TBC1D4: variants seen among roughly 807,000 people sequenced by gnomAD.
TBC1D4 encodes the protein TBC (Tre-2, BUB2, CDC16) domain-containing protein.
Under a neutral mutation model 142.5 loss-of-function variants are expected in TBC1D4, and 121 were observed. The observed-to-expected ratio is 0.85, with a 90% confidence interval of 0.73 to 0.99. The LOEUF is 0.99. Among genes scored for constraint, TBC1D4 ranks in the 50% least tolerant of loss-of-function variants. The probability of loss-of-function intolerance (pLI) is 0.00; values close to 1 mark genes in which losing one functional copy is unlikely to be tolerated. For missense variants in TBC1D4, 1,475 were observed against 1,606.6 expected (o/e 0.92, Z 1.40); for synonymous variants, 630 against 628.2 (o/e 1.00, Z -0.04).
intron 1 of TBC1D4, among the ~76,000 whole-genome samples, chr13:75,435,177 G>T (rs1313031816): frequency 6.6e-6 from 1 of 151,652 alleles, no homozygotes; most frequent in Non-Finnish European, 1.5e-5. Context: ...AAATAAAAGA[G>T]AATGGCAAAT....
chr13:75,447,173 T>C (rs1008747829), intron 1 of TBC1D4, among the ~76,000 whole-genome samples: 10 of 152,218 alleles, frequency 6.6e-5, no homozygotes, highest in Non-Finnish European at 1.2e-4. Context: ...AGGATATTTA[T>C]AGGGAGAAAG....
At chr13:75,299,605 G>T in intron 16 of TBC1D4, 31 bp from the exon 17 acceptor site, 2 of 1,612,772 alleles carry the variant, frequency 1.2e-6, no homozygotes, top group South Asian at 1.1e-5. Flanking sequence ...AATATTTTTT[G>T]AAATGTCCTC....
intron 2 of TBC1D4, among the ~76,000 whole-genome samples, chr13:75,361,310 A>G (rs1169621068): frequency 1.3e-5 from 2 of 152,210 alleles, no homozygotes; most frequent in East Asian, 3.8e-4. Flanking sequence ...TTCTCTAGAA[A>G]AAAAGTCCCT....
At chr13:75,291,799 AG>A (rs1875337500) in intron 19 of TBC1D4, among the ~76,000 whole-genome samples, 1 of 152,214 alleles carries the variant, frequency 6.6e-6, no homozygotes, top group African/African-American at 2.4e-5. Flanking sequence ...AATATAACAA[AG>A]GCAAGAGGAT....
At chr13:75,340,887 A>C (rs1371721480) in intron 7 of TBC1D4, among the ~76,000 whole-genome samples, 1 of 152,190 alleles carries the variant, frequency 6.6e-6, no homozygotes, top group Non-Finnish European at 1.5e-5. Context: ...CGGAGGTTGC[A>C]GTGAGCCAAG....
chr13:75,384,825 A>C (rs1232214277), intron 1 of TBC1D4, among the ~76,000 whole-genome samples: 1 of 152,226 alleles, frequency 6.6e-6, no homozygotes, highest in East Asian at 1.9e-4. Context: ...TGGTTAAAAT[A>C]ACTGAAGAAA....
At chr13:75,303,485 T>G (rs1302774533) in intron 15 of TBC1D4, among the ~76,000 whole-genome samples, 1 of 152,208 alleles carries the variant, frequency 6.6e-6, no homozygotes, top group Non-Finnish European at 1.5e-5. Flanking sequence ...ACACTATGAC[T>G]ATGTTTTTTA....
intron 13 of TBC1D4, 79 bp from the exon 14 acceptor site, chr13:75,310,230 A>G (rs1877617611): frequency 7.2e-7 from 1 of 1,386,892 alleles, no homozygotes; most frequent in South Asian, 1.2e-5. Flanking sequence ...TCACATTCTC[A>G]TCTGATCTTC....
At chr13:75,458,856 A>G (rs1308552865) in intron 1 of TBC1D4, among the ~76,000 whole-genome samples, 3 of 152,130 alleles carry the variant, frequency 2.0e-5, no homozygotes, top group Non-Finnish European at 4.4e-5. Context: ...CTGGGGGCCT[A>G]TGAAACTGAT....
At chr13:75,320,121 A>G in intron 11 of TBC1D4, 84 bp from the exon 12 acceptor site, 1 of 1,449,508 alleles carries the variant, frequency 6.9e-7, no homozygotes, top group South Asian at 1.2e-5. Flanking sequence ...CATTCCAATA[A>G]GTCATCAATA....
At chr13:75,295,409 CAT>C (rs1276741809) in intron 17 of TBC1D4, among the ~76,000 whole-genome samples, 2 of 152,122 alleles carry the variant, frequency 1.3e-5, no homozygotes, top group Admixed American at 1.3e-4. Context: ...AAGAATCTAC[CAT>C]GTTCAGTGCA....
chr13:75,375,308 A>G (rs1487281890), intron 1 of TBC1D4, among the ~76,000 whole-genome samples: 1 of 152,182 alleles, frequency 6.6e-6, no homozygotes, highest in East Asian at 1.9e-4. Flanking sequence ...GTCTCCTCCA[A>G]TTCTGGGGGC....
intron 1 of TBC1D4, among the ~76,000 whole-genome samples, chr13:75,434,341 AGATCAT>A (rs144336600): frequency 0.028 from 4,332 of 152,286 alleles, 194 homozygotes; most frequent in African/African-American, 0.097. Context: ...AAAAAGAACA[AGATCAT>A]GTATTTGCCA....
intron 1 of TBC1D4, among the ~76,000 whole-genome samples, chr13:75,450,151 A>ATG (rs1370547768): frequency 2.0e-5 from 3 of 152,178 alleles, no homozygotes; most frequent in African/African-American, 7.2e-5. Flanking sequence ...ATTTTTATAA[A>ATG]TGTAATTTTA....
intron 4 of TBC1D4, among the ~76,000 whole-genome samples, chr13:75,355,867 C>G (rs1882001694): frequency 6.6e-6 from 1 of 152,200 alleles, no homozygotes; most frequent in East Asian, 1.9e-4. Flanking sequence ...AAAGTAACAG[C>G]TTTTCTCCTA....
chr13:75,474,730 A>G (rs1407375759), intron 1 of TBC1D4, among the ~76,000 whole-genome samples: 2 of 150,842 alleles, frequency 1.3e-5, no homozygotes, highest in Non-Finnish European at 2.9e-5. Context: ...TCCATCTCCC[A>G]GGTTCAAGCG....
chr13:75,468,766 C>T (rs1276955595), intron 1 of TBC1D4, among the ~76,000 whole-genome samples: 1 of 152,148 alleles, frequency 6.6e-6, no homozygotes, highest in African/African-American at 2.4e-5. Context: ...TAATCTGCTC[C>T]TGTGGACTTA....
Position 75,481,592 on chromosome 13 carries a change from A to T in TBC1D4, c.176T>A (p.Met59Lys). The T allele has an allele frequency of 6.2e-7, 1 of 1,607,276 alleles. No individual in the cohort carries two copies. The highest frequency in any genetic ancestry group is 8.5e-7 in the Non-Finnish European group (1 of 1,177,262). The change falls in exon 1 of 21, where the codon ATG (methionine) becomes AAG (lysine). Residue 59 changes from methionine to lysine, a missense_variant. Around this residue, in one of 2 missense-constraint regions of TBC1D4, gnomAD observed 1,227 missense variants for 1,267.7 expected, o/e 0.97. Transcript: ENST00000377636. ...CTGGCTGCGCCTGCGGATCTCGGCC[A>T]TGAGCCAGGGCAGCATAGGCAGCGT... ...RTTLPMLPWL[M>K]AEIRRRSQKP...
chr13:75,302,095 CTTGCCCTCAGTAAAGGACAAA>C lies in TBC1D4; in HGVS notation c.2911+127_2911+147del, dbSNP rs2137889035. On this transcript the variant is annotated intron_variant, in intron 16 of 20. Coordinates refer to ENST00000377636, the MANE Select transcript of TBC1D4 (RefSeq NM_014832.5). ...GATCGTCAATCAGGTATAAGGCCAA[CTTGCCCTCAGTAAAGGACAAA>C]GTCAACGGCTCTGCATATGCCAACA... The C allele has an allele frequency of 3.3e-6, 3 of 920,088 alleles. No individual in the cohort carries two copies. The Admixed American group carries it at 6.4e-5, about 20-fold the overall frequency. 57.0% of individuals were successfully genotyped at this position (920,088 alleles called of 1,614,324 possible).
Sources: gnomAD v4.1 joint callset for allele counts (sites outside exome capture counted in the v4.1 genomes callset) on GRCh38, gnomAD v4.1.1 for gene constraint, gnomAD v4.1.1 regional missense constraint, MANE v1.5 for transcripts, NCBI Gene and HGNC (gene_info 2026-07-23, HGNC 2026-07-21) for gene names.